The following FRMPD2 variants were observed in gnomAD, a reference collection of about 807,000 sequenced individuals.
FRMPD2 encodes the protein FERM and PDZ domain-containing protein 2.
FRMPD2 carries 96 observed loss-of-function variants against 140.1 expected under a neutral mutation model. The observed-to-expected ratio is 0.69, with a 90% CI of 0.58 to 0.81. The LOEUF is 0.81. FRMPD2 is among the 40% of genes least tolerant of loss of function. The pLI, the probability that FRMPD2 is intolerant of heterozygous loss-of-function variation, is 0.00. For missense variants in FRMPD2, 1,240 were observed against 1,447.4 expected, an observed-to-expected ratio of 0.86 and a Z score of 2.32; for synonymous variants, 449 against 547.6, an observed-to-expected ratio of 0.82 and a Z score of 2.52.
At chr10:48,239,738 C>A in intron 6 of FRMPD2, 46 bp from the exon 7 acceptor site, 4 of 1,443,830 alleles carry the variant, frequency 2.8e-6, no homozygotes, top group African/African-American at 1.4e-5. Context: ...GCCAAGATCA[C>A]GGCTTTCTTA....
At chr10:48,173,740 C>G (rs1173257432) in intron 24 of FRMPD2, among the ~76,000 whole-genome samples, 1 of 152,142 alleles carries the variant, frequency 6.6e-6, no homozygotes. Flanking sequence ...CCTGCCCTCC[C>G]CTTTCTTTCC....
chr10:48,229,701 T>A (rs1839805347), intron 10 of FRMPD2, among the ~76,000 whole-genome samples: 1 of 152,188 alleles, frequency 6.6e-6, no homozygotes, highest in African/African-American at 2.4e-5. Context: ...AAATGATATA[T>A]GCCATAGAAA....
rs983888418 is a variant in FRMPD2 at position 48,251,558 on chromosome 10, T to C, written c.151+8A>G. The C allele has an allele frequency of 2.5e-6, 4 of 1,586,766 alleles. No individual in the cohort carries two copies. Among genetic ancestry groups the C allele is most frequent in the Non-Finnish European group, 3.4e-6 (4 of 1,179,070 alleles). On this transcript the variant is annotated splice_region_variant and intron_variant, in intron 2 of 28. Transcript: ENST00000374201. ...CTGTGATTTGACTGCCCCCAAACAC[T>C]CTCTTACCGTTGCGGAGGTCTTCCA...
chr10:48,218,977 A>G (rs569411581), intron 12 of FRMPD2, among the ~76,000 whole-genome samples: 2 of 152,234 alleles, frequency 1.3e-5, no homozygotes, highest in Non-Finnish European at 2.9e-5. Flanking sequence ...AATGCTGTCC[A>G]ATCACCTGTG....
chr10:48,223,300 G>A, intron 10 of FRMPD2, 30 bp from the exon 11 acceptor site: 1 of 1,599,168 alleles, frequency 6.3e-7, no homozygotes. Flanking sequence ...TGTGTGGAAG[G>A]AGAAGCAGTA....
chr10:48,180,373 C>A lies in FRMPD2; in HGVS notation c.2790+430G>T, dbSNP rs537144184. Among the ~76,000 whole-genome samples the A allele has an allele frequency of 1.3e-5, 2 of 152,278 alleles. 1 individual carries two copies. Among genetic ancestry groups the A allele is most frequent in the Non-Finnish European group, 2.9e-5 (2 of 68,006 alleles). On this transcript the variant is annotated intron_variant, in intron 21 of 28. Transcript: ENST00000374201. The stretch of plus-strand genomic sequence containing the variant: ...TCCATACACCTACTCCAGATCCCAT[C>A]TTCTTCCTCCATGGGGTATGGTCAA...
intron 27 of FRMPD2, among the ~76,000 whole-genome samples, chr10:48,164,694 C>T (rs566924618): frequency 6.6e-6 from 1 of 150,720 alleles, no homozygotes; most frequent in East Asian, 1.9e-4. Context: ...AAAGGATACA[C>T]CAAAAATCAA....
intron 16 of FRMPD2, among the ~76,000 whole-genome samples, chr10:48,191,726 G>C (rs146571647): frequency 6.6e-6 from 1 of 152,162 alleles, no homozygotes; most frequent in Non-Finnish European, 1.5e-5. Context: ...TATGCTGCCT[G>C]GGAATCTGTG....
intron 28 of FRMPD2, among the ~76,000 whole-genome samples, chr10:48,160,248 T>TA (rs1450422591): frequency 1.3e-5 from 2 of 151,602 alleles, no homozygotes; most frequent in African/African-American, 4.9e-5. Flanking sequence ...TACTAGACGG[T>TA]AAAATCTCTA....
In FRMPD2 at chr10:48,249,004, G is replaced by C. The variant is rs770250911; in HGVS notation, c.309+17C>G. Reference sequence around the variant, plus strand: ...GGGCACAGGACTCAGAAGTTGCAGAGTAGCTGCACAGCTTACCTGAGATGC... The same window carrying C: ...GGGCACAGGACTCAGAAGTTGCAGACTAGCTGCACAGCTTACCTGAGATGC... On this transcript the variant is annotated intron_variant, in intron 3 of 28. Transcript: ENST00000374201. 26 of 1,594,460 alleles carry C rather than the reference G, an allele frequency of 1.6e-5. No individual in the cohort carries two copies. Among genetic ancestry groups the C allele is most frequent in the African/African-American group, 1.3e-4 (10 of 74,342 alleles).
intron 3 of FRMPD2, among the ~76,000 whole-genome samples, chr10:48,247,348 A>G (rs1297941736): frequency 6.6e-6 from 1 of 152,202 alleles, no homozygotes; most frequent in Non-Finnish European, 1.5e-5. Flanking sequence ...GTACATCAGA[A>G]AGTGGAGCCT....
intron 21 of FRMPD2, chr10:48,178,729 A>G (rs2132418335): frequency 6.5e-6 from 1 of 153,114 alleles, no homozygotes; most frequent in Admixed American, 6.5e-5. Flanking sequence ...AACGGCCCCC[A>G]GCCCCAGGAA....
At chr10:48,229,110 T>C (rs1839793616) in intron 10 of FRMPD2, among the ~76,000 whole-genome samples, 1 of 152,154 alleles carries the variant, frequency 6.6e-6, no homozygotes, top group Non-Finnish European at 1.5e-5. Flanking sequence ...TAGCCTCTAC[T>C]GTTAATATTA....
At chr10:48,160,087 G>A (rs1837893126) in intron 28 of FRMPD2, among the ~76,000 whole-genome samples, 1 of 151,610 alleles carries the variant, frequency 6.6e-6, no homozygotes, top group Admixed American at 6.6e-5. Context: ...GAGACTTGAT[G>A]TGATTGTTGC....
chr10:48,228,425 T>C (rs1220087391), intron 10 of FRMPD2, among the ~76,000 whole-genome samples: 1 of 151,868 alleles, frequency 6.6e-6, no homozygotes, highest in African/African-American at 2.4e-5. Context: ...CACTTCCAAA[T>C]AAGATATTAT....
chr10:48,209,176 G>C (rs1425447920), intron 13 of FRMPD2, among the ~76,000 whole-genome samples: 3 of 152,132 alleles, frequency 2.0e-5, no homozygotes, highest in African/African-American at 7.2e-5. Flanking sequence ...TAATTATCAG[G>C]AGAGTGCATT....
intron 12 of FRMPD2, among the ~76,000 whole-genome samples, chr10:48,219,202 G>A (rs935584515): frequency 7.2e-5 from 11 of 151,888 alleles, no homozygotes; most frequent in Non-Finnish European, 1.5e-4. Context: ...GGGCAGAAGG[G>A]TGGAGTGTGT....
At chr10:48,231,388 C>A (rs934071740) in intron 10 of FRMPD2, among the ~76,000 whole-genome samples, 4 of 152,222 alleles carry the variant, frequency 2.6e-5, no homozygotes, top group African/African-American at 9.6e-5. Flanking sequence ...GCTCGCCACA[C>A]AAGGGCAGCT....
intron 25 of FRMPD2, among the ~76,000 whole-genome samples, chr10:48,172,282 C>T (rs1417929248): frequency 7.5e-6 from 1 of 132,966 alleles, no homozygotes; most frequent in African/African-American, 2.9e-5. Flanking sequence ...TAAACAGAAG[C>T]ATGCCCCTTT....
Sources: allele counts gnomAD v4.1 joint callset (sites outside exome capture counted in the v4.1 genomes callset), GRCh38; gene constraint gnomAD v4.1.1; transcripts MANE v1.5; gene names NCBI Gene and HGNC (gene_info 2026-07-23, HGNC 2026-07-21).